B3GALT1: variants seen among roughly 807,000 people sequenced by gnomAD.
B3GALT1 encodes the protein beta-1,3-galactosyltransferase 1, also known as UDP-Gal:betaGlcNAc beta 1,3-galactosyltransferase, polypeptide 1.
Under a neutral mutation model 23.2 loss-of-function variants are expected in B3GALT1, and 10 were observed. That is an observed-to-expected ratio of 0.43 (90% CI 0.27 to 0.73). B3GALT1 has a LOEUF of 0.73. Ranked by LOEUF, B3GALT1 falls within the 30% of genes least tolerant of loss-of-function variation. The probability of loss-of-function intolerance (pLI) is 0.21; values close to 1 mark genes in which losing one functional copy is unlikely to be tolerated. For synonymous variants in B3GALT1, 156 were observed against 141.5 expected, an observed-to-expected ratio of 1.10 and a Z score of -0.73; for missense variants, 299 against 405.4, an observed-to-expected ratio of 0.74 and a Z score of 2.25.
At chr2:167,582,810 G>A (rs146855281) in intron 2 of B3GALT1, among the ~76,000 whole-genome samples, 168 of 152,206 alleles carry the variant, frequency 1.1e-3, no homozygotes, top group African/African-American at 3.4e-3. Flanking sequence ...TGTAATCCAC[G>A]GTTTAACCTC....
At chr2:167,711,134 A>T (rs1212601702) in intron 3 of B3GALT1, among the ~76,000 whole-genome samples, 1 of 151,982 alleles carries the variant, frequency 6.6e-6, no homozygotes, top group Non-Finnish European at 1.5e-5. Context: ...TTAGGGCCCT[A>T]ATACTGTGTT....
intron 2 of B3GALT1, among the ~76,000 whole-genome samples, chr2:167,509,935 A>G (rs1038175750): frequency 6.8e-6 from 1 of 146,736 alleles, no homozygotes; most frequent in Non-Finnish European, 1.6e-5. Context: ...GAGCATTTGG[A>G]AAACAAAAGA....
chr2:167,745,216 T>C (rs546846938), intron 3 of B3GALT1, among the ~76,000 whole-genome samples: 6 of 152,322 alleles, frequency 3.9e-5, no homozygotes, highest in Admixed American at 2.6e-4. Flanking sequence ...CCTCAATATA[T>C]TAATTCTATT....
Position 167,617,154 on chromosome 2 carries a change from A to C in B3GALT1, c.-409-29755A>C, listed in dbSNP as rs1398339112. ...CCATATGTTGTTTTTTTCTCCTTTA[A>C]ACTTAAAGCCTCATGGTCATAAGAT... On this transcript the variant is annotated intron_variant, in intron 2 of 4. Transcript: ENST00000392690. 3.3e-5 allele frequency among the ~76,000 whole-genome samples: 5 copies of C among 152,152 alleles called. No homozygotes were observed. In the East Asian group the frequency reaches 9.7e-4, roughly 29 times the overall value.
At chr2:167,529,558 T>A (rs1165073998) in intron 2 of B3GALT1, among the ~76,000 whole-genome samples, 8 of 149,334 alleles carry the variant, frequency 5.4e-5, no homozygotes, top group African/African-American at 1.7e-4. Flanking sequence ...AGACTCAGCA[T>A]ATGGAAAACT....
chr2:167,815,154 A>T (rs1009415852), intron 3 of B3GALT1: 3 of 152,244 alleles, frequency 2.0e-5, no homozygotes, highest in Non-Finnish European at 4.4e-5. Flanking sequence ...CTCTCACATT[A>T]GAGACAGGTG....
At chr2:167,715,430 A>G in intron 3 of B3GALT1, 1 of 1,609,782 alleles carries the variant, frequency 6.2e-7, no homozygotes, top group Admixed American at 1.7e-5. Flanking sequence ...ATTTTCACTC[A>G]AAGCATCTTT....
intron 2 of B3GALT1, among the ~76,000 whole-genome samples, chr2:167,610,646 G>A (rs1387502429): frequency 6.6e-6 from 1 of 151,926 alleles, no homozygotes; most frequent in Non-Finnish European, 1.5e-5. Flanking sequence ...CCTGGTAGTG[G>A]TAGTTATTCC....
Position 167,870,718 on chromosome 2 carries a change from TTTTC to T in B3GALT1, c.*706_*709del, listed in dbSNP as rs759797003. ...AACAAAAGATTTTTTTTTTCTTTTT[TTTTC>T]TTTCTTTTTTGTTTTGCTCTTTCAG... On this transcript the variant is annotated 3_prime_UTR_variant, in exon 5 of 5. Transcript: ENST00000392690. 6.0e-5 allele frequency: 10 copies of T among 167,156 alleles called. No homozygotes were observed. In the East Asian group the frequency reaches 1.3e-3, roughly 23 times the overall value. 10.4% of individuals were successfully genotyped at this position (167,156 alleles called of 1,614,324 possible).
rs77619881 is a variant in B3GALT1, at chr2:167,838,878, C to G, written c.-230+20085C>G. ...GGATGCAAGGCTGGTTCAATATACG[C>G]AAATCAATATATGTAATCCAGCATA... On this transcript the variant is annotated intron_variant, in intron 4 of 4. Coordinates refer to ENST00000392690, the MANE Select transcript of B3GALT1 (RefSeq NM_020981.4). Among the ~76,000 whole-genome samples the G allele has an allele frequency of 2.3e-4, 35 of 152,072 alleles. 1 individual carries two copies. Among genetic ancestry groups the G allele is most frequent in the South Asian group, 4.2e-4 (2 of 4,814 alleles).
intron 1 of B3GALT1, among the ~76,000 whole-genome samples, chr2:167,418,896 T>C (rs551713535): frequency 8.7e-4 from 132 of 152,318 alleles, no homozygotes; most frequent in African/African-American, 3.0e-3. Context: ...GAGGATTAAC[T>C]GGGAGGCTCT....
At chr2:167,384,036 TTAGAG>T (rs1381020833) in intron 1 of B3GALT1, among the ~76,000 whole-genome samples, 2 of 152,154 alleles carry the variant, frequency 1.3e-5, no homozygotes, top group African/African-American at 2.4e-5. Context: ...AGACTGTGGA[TTAGAG>T]TAAAGAGCAC....
At chr2:167,849,977 G>A (rs1170573926) in intron 4 of B3GALT1, among the ~76,000 whole-genome samples, 2 of 150,814 alleles carry the variant, frequency 1.3e-5, no homozygotes, top group Non-Finnish European at 3.0e-5. Flanking sequence ...TCTAAACATT[G>A]GCTTAGGCAA....
At chr2:167,855,972 C>T (rs1053369494) in intron 4 of B3GALT1, among the ~76,000 whole-genome samples, 3 of 152,004 alleles carry the variant, frequency 2.0e-5, no homozygotes, top group Non-Finnish European at 4.4e-5. Context: ...AAAAAATAGC[C>T]TCAGAATTTC....
chr2:167,793,420 G>A (rs12999150), intron 3 of B3GALT1, among the ~76,000 whole-genome samples: 27,438 of 152,056 alleles, frequency 0.18, 2,612 homozygotes, highest in Middle Eastern at 0.26. Flanking sequence ...GGTTCGCCCC[G>A]TCCTGGATCA....
intron 2 of B3GALT1, among the ~76,000 whole-genome samples, chr2:167,592,990 G>C (rs1341914155): frequency 6.6e-6 from 1 of 152,138 alleles, no homozygotes; most frequent in Non-Finnish European, 1.5e-5. Context: ...CAGAAGTTGT[G>C]GGGAGGGAGA....
intron 2 of B3GALT1, among the ~76,000 whole-genome samples, chr2:167,499,887 C>G (rs577119305): frequency 6.6e-6 from 1 of 152,220 alleles, no homozygotes; most frequent in South Asian, 2.1e-4. Context: ...GGGCTGGAAT[C>G]TGGAGATACC....
intron 2 of B3GALT1, among the ~76,000 whole-genome samples, chr2:167,533,729 G>A (rs911481500): frequency 2.6e-5 from 4 of 151,998 alleles, no homozygotes; most frequent in Admixed American, 6.6e-5. Flanking sequence ...ATTCCCTTAC[G>A]TTTTACCAAT....
At position 167,447,265 on chromosome 2, in the gene B3GALT1, G is replaced by A. The variant is rs906143591; in HGVS notation, c.-510-42912G>A. Among the ~76,000 whole-genome samples, 3 of 152,154 alleles carry A rather than the reference G, an allele frequency of 2.0e-5. 1 individual carries two copies. The highest frequency in any genetic ancestry group is 4.4e-5 in the Non-Finnish European group (3 of 68,028). Reference sequence around the variant, plus strand: ...CACCTGGCCGTGTGAGGTGTCAGTCGGCCCCTACTGGGGGGTGCCTCCCAG... The same window carrying A: ...CACCTGGCCGTGTGAGGTGTCAGTCAGCCCCTACTGGGGGGTGCCTCCCAG... On this transcript the variant is annotated intron_variant, in intron 1 of 4. Coordinates refer to ENST00000392690, the MANE Select transcript of B3GALT1 (RefSeq NM_020981.4).
Sources: gnomAD v4.1 joint callset for allele counts (sites outside exome capture counted in the v4.1 genomes callset) on GRCh38, gnomAD v4.1.1 for gene constraint, MANE v1.5 for transcripts, NCBI Gene and HGNC (gene_info 2026-07-23, HGNC 2026-07-21) for gene names.